The following PCGF5 variants were observed in gnomAD, a reference collection of about 807,000 sequenced individuals.
PCGF5 encodes the protein polycomb group ring finger 5.
A neutral mutation model predicts 44.3 loss-of-function variants in PCGF5; 9 were observed. The observed-to-expected ratio is 0.20, with a 90% CI of 0.12 to 0.35. The LOEUF (loss-of-function observed/expected upper bound fraction) is 0.35. Ranked by LOEUF, PCGF5 falls within the 10% of genes least tolerant of loss-of-function variation. The pLI is 1.00. For synonymous variants in PCGF5, 95 were observed against 102.5 expected, an observed-to-expected ratio of 0.93 and a Z score of 0.44; for missense variants, 146 against 305.3, an observed-to-expected ratio of 0.48 and a Z score of 3.89.
chr10:91,251,255 G>T, intron 5 of PCGF5, 37 bp from the exon 6 acceptor site: 1 of 1,531,328 alleles, frequency 6.5e-7, no homozygotes, highest in Non-Finnish European at 8.9e-7. Flanking sequence ...AATCAACTTT[G>T]ATTTATAGCT....
chr10:91,201,088 T>TAG (rs1389592272), intron 1 of PCGF5, among the ~76,000 whole-genome samples: 1 of 152,196 alleles, frequency 6.6e-6, no homozygotes, highest in Non-Finnish European at 1.5e-5. Flanking sequence ...GCTGCCCACT[T>TAG]AGACCACATT....
chr10:91,272,251 T>C (rs1015787671), intron 9 of PCGF5, among the ~76,000 whole-genome samples: 11 of 152,224 alleles, frequency 7.2e-5, no homozygotes, highest in Admixed American at 6.5e-4. Flanking sequence ...TTTTAAAAAT[T>C]TGGGAAACAG....
In PCGF5 at chr10:91,222,701, G is replaced by A. The variant is rs754062315; in HGVS notation, c.-171G>A. ...ATTTTGGAAACAGACATGGGAAAGC[G>A]GAACCACCAAAAGGAGTGATGATCA... On this transcript the variant is annotated 5_prime_UTR_variant, in exon 2 of 10. Transcript: ENST00000336126. 85 of 511,166 alleles carry A rather than the reference G, an allele frequency of 1.7e-4. No homozygotes were observed. Among genetic ancestry groups the A allele is most frequent in the Non-Finnish European group, 2.6e-4 (74 of 287,258 alleles). 31.7% of individuals were successfully genotyped at this position (511,166 alleles called of 1,614,324 possible). A position where few individuals can be genotyped will look rare whatever the true frequency, so the allele number is the denominator to read the frequency against.
At chr10:91,225,211 TCATATA>T (rs1844787397) in intron 2 of PCGF5, among the ~76,000 whole-genome samples, 1 of 147,718 alleles carries the variant, frequency 6.8e-6, no homozygotes, top group East Asian at 1.9e-4. Flanking sequence ...TTTATATATA[TCATATA>T]TTTGATATAT....
At chr10:91,195,262 G>C (rs1844106855) in intron 1 of PCGF5, among the ~76,000 whole-genome samples, 1 of 150,330 alleles carries the variant, frequency 6.7e-6, no homozygotes, top group Non-Finnish European at 1.5e-5. Context: ...AAGTGCCTCT[G>C]AACATTAGCT....
At chr10:91,210,115 A>T (rs981385698) in intron 1 of PCGF5, among the ~76,000 whole-genome samples, 1 of 152,200 alleles carries the variant, frequency 6.6e-6, no homozygotes, top group Non-Finnish European at 1.5e-5. Context: ...CATATGCCCC[A>T]CTGCTCTCCC....
At chr10:91,252,831 T>G (rs752038571) in intron 6 of PCGF5, among the ~76,000 whole-genome samples, 1 of 152,102 alleles carries the variant, frequency 6.6e-6, no homozygotes, top group Non-Finnish European at 1.5e-5. Flanking sequence ...ATTTCTCATA[T>G]GAAAGTATAA....
chr10:91,165,111 C>G (rs1026798000), intron 1 of PCGF5, among the ~76,000 whole-genome samples: 1 of 152,074 alleles, frequency 6.6e-6, no homozygotes, highest in African/African-American at 2.4e-5. Flanking sequence ...GGAAAGTCAC[C>G]AAGTTGGTGC....
Position 91,225,157 on chromosome 10 carries a change from A to G in PCGF5, c.112+2174A>G, listed in dbSNP as rs1017569655. On this transcript the variant is annotated intron_variant, in intron 2 of 9. Transcript: ENST00000336126. ...TAAAAAAAGGAAAACAAAAGATTAT[A>G]GAAGTATAAACAATTAGCTTATAAG... 6.0e-5 allele frequency among the ~76,000 whole-genome samples: 9 copies of G among 150,402 alleles called. No homozygotes were observed. The East Asian group carries it at 1.6e-3, about 26-fold the overall frequency.
At chr10:91,259,258 C>G (rs1027318257) in intron 6 of PCGF5, among the ~76,000 whole-genome samples, 17 of 152,096 alleles carry the variant, frequency 1.1e-4, no homozygotes, top group African/African-American at 4.1e-4. Flanking sequence ...ACACTATTCT[C>G]CCCAACACAA....
chr10:91,164,597 G>A (rs1452012365), intron 1 of PCGF5, among the ~76,000 whole-genome samples: 1 of 152,036 alleles, frequency 6.6e-6, no homozygotes. Flanking sequence ...GTTTTTTGAG[G>A]GTTTTTAAAA....
At chr10:91,203,576 C>G (rs988905945) in intron 1 of PCGF5, among the ~76,000 whole-genome samples, 5 of 152,160 alleles carry the variant, frequency 3.3e-5, no homozygotes, top group Non-Finnish European at 5.9e-5. Flanking sequence ...TTACATTGAA[C>G]CAGATGTGCC....
intron 2 of PCGF5, among the ~76,000 whole-genome samples, chr10:91,231,830 G>A (rs1274869888): frequency 6.6e-6 from 1 of 152,180 alleles, no homozygotes; most frequent in East Asian, 1.9e-4. Flanking sequence ...GTAATGGCTT[G>A]CATCAAGGTG....
At chr10:91,191,259 A>G (rs1844029073) in intron 1 of PCGF5, among the ~76,000 whole-genome samples, 1 of 152,226 alleles carries the variant, frequency 6.6e-6, no homozygotes. Flanking sequence ...GCCATTAAGT[A>G]AAATAAGGGT....
intron 5 of PCGF5, among the ~76,000 whole-genome samples, chr10:91,250,989 T>C (rs1845610155): frequency 6.6e-6 from 1 of 151,862 alleles, no homozygotes; most frequent in South Asian, 2.1e-4. Flanking sequence ...TAACATAGTC[T>C]AATTACTAAT....
rs143454791 is a variant in PCGF5, at chr10:91,266,783, T to C, written c.663+2263T>C. 7.2e-5 allele frequency among the ~76,000 whole-genome samples: 11 copies of C among 152,298 alleles called. 1 individual carries two copies. The East Asian group carries it at 2.1e-3, about 30-fold the overall frequency. On this transcript the variant is annotated intron_variant, in intron 8 of 9. Transcript: ENST00000336126. ...CACTGATTGCTGCCTTTTTCTTTCA[T>C]CCATCCTTTCTTAGCAAATTCTGTA...
chr10:91,238,581 A>ATTTC (rs1213535596), intron 2 of PCGF5, among the ~76,000 whole-genome samples: 17 of 73,234 alleles, frequency 2.3e-4, no homozygotes, highest in African/African-American at 5.2e-4. Flanking sequence ...CTCCACTCTC[A>ATTTC]TTTCTTTCTT....
At chr10:91,235,339 G>A (rs750670864) in intron 2 of PCGF5, among the ~76,000 whole-genome samples, 1 of 152,060 alleles carries the variant, frequency 6.6e-6, no homozygotes, top group East Asian at 1.9e-4. Flanking sequence ...CCAACAACCT[G>A]GTTCAAATCT....
chr10:91,248,542 G>A lies in PCGF5; in HGVS notation c.247G>A (p.Val83Ile). 2 of 1,613,036 alleles carry A rather than the reference G, an allele frequency of 1.2e-6. No individual in the cohort carries two copies. Among genetic ancestry groups the A allele is most frequent in the East Asian group, 4.5e-5 (2 of 44,840 alleles). Reference protein sequence around the residue: ...NTLEEIIFKLVPGLREQELER... With the variant: ...NTLEEIIFKLIPGLREQELER... ...ATTAGAGGAAATTATATTTAAGCTGGTCCCTGGACTACGAGAACGTAAGTG... is the reference window on the plus strand; with the variant it reads ...ATTAGAGGAAATTATATTTAAGCTGATCCCTGGACTACGAGAACGTAAGTG... Residue 83 changes from valine to isoleucine, a missense_variant, in exon 4 of 10, where the codon GTC becomes ATC. Transcript: ENST00000336126.
Sources: allele counts gnomAD v4.1 joint callset (sites outside exome capture counted in the v4.1 genomes callset), GRCh38; gene constraint gnomAD v4.1.1; transcripts MANE v1.5; gene names NCBI Gene and HGNC (gene_info 2026-07-23, HGNC 2026-07-21).